The following DIAPH3 variants were observed in gnomAD, a reference collection of about 807,000 sequenced individuals.
DIAPH3 encodes protein diaphanous homolog 3.
Under a neutral mutation model 144.3 loss-of-function variants are expected in DIAPH3, and 117 were observed. The observed-to-expected ratio is 0.81, with a 90% CI of 0.70 to 0.95. DIAPH3 has a LOEUF of 0.95. Among genes scored for constraint, DIAPH3 ranks in the 40% least tolerant of loss-of-function variants. The pLI, the probability that DIAPH3 is intolerant of heterozygous loss-of-function variation, is 0.00. For synonymous variants in DIAPH3, 519 were observed against 488.9 expected (o/e 1.06, Z -0.81); for missense variants, 1,421 against 1,412.7 (o/e 1.01, Z -0.09).
At chr13:59,771,857 G>T (rs1392556059) in intron 27 of DIAPH3, among the ~76,000 whole-genome samples, 1 of 151,860 alleles carries the variant, frequency 6.6e-6, no homozygotes, top group Admixed American at 6.6e-5. Context: ...TCATCATAGT[G>T]CTTGGCATTT....
chr13:60,067,900 C>T (rs1170444611), intron 4 of DIAPH3, among the ~76,000 whole-genome samples: 1 of 151,972 alleles, frequency 6.6e-6, no homozygotes, highest in African/African-American at 2.4e-5. Context: ...CAGATAAAAT[C>T]CTATATAGGT....
chr13:59,865,508 T>C (rs2043865301), intron 21 of DIAPH3, among the ~76,000 whole-genome samples: 2 of 152,068 alleles, frequency 1.3e-5, no homozygotes. Context: ...TTCTTTTGTA[T>C]TACTGTCAAG....
intron 5 of DIAPH3, among the ~76,000 whole-genome samples, chr13:60,016,761 C>T (rs1213472073): frequency 6.6e-6 from 1 of 152,112 alleles, no homozygotes; most frequent in Non-Finnish European, 1.5e-5. Context: ...AACAAACAAA[C>T]AAACAAACTG....
chr13:59,705,836 T>A (rs987573584), intron 27 of DIAPH3, among the ~76,000 whole-genome samples: 11 of 152,298 alleles, frequency 7.2e-5, no homozygotes, highest in African/African-American at 2.6e-4. Context: ...ATCCTGTATT[T>A]CATGGTTTAA....
chr13:59,832,895 T>C (rs1047872397), intron 24 of DIAPH3: 5 of 499,832 alleles, frequency 1.0e-5, no homozygotes, highest in Non-Finnish European at 1.4e-5. Context: ...ACTTTTTCAA[T>C]CAAAATGTCT....
At chr13:59,988,866 T>C (rs1468052158) in intron 12 of DIAPH3, among the ~76,000 whole-genome samples, 1 of 151,836 alleles carries the variant, frequency 6.6e-6, no homozygotes, top group African/African-American at 2.4e-5. Flanking sequence ...TCCACCCAAT[T>C]ATCTTGCTGT....
In DIAPH3 at chr13:59,816,354, C is replaced by A. The variant is rs2040772013; in HGVS notation, c.3028-5431G>T. On this transcript the variant is annotated intron_variant, in intron 24 of 27. Transcript: ENST00000400324. ...ATAGAACTATTCATGCTTTCTATTTCTTTTAAAGTAATTTCAGTAAGTTAT... is the reference window on the plus strand; with the variant it reads ...ATAGAACTATTCATGCTTTCTATTTATTTTAAAGTAATTTCAGTAAGTTAT... Among the ~76,000 whole-genome samples, 9 of 151,908 alleles carry A rather than the reference C, an allele frequency of 5.9e-5. No homozygotes were observed. In the South Asian group the frequency reaches 1.7e-3, roughly 28 times the overall value.
At chr13:60,017,625 G>C (rs1219057828) in intron 5 of DIAPH3, among the ~76,000 whole-genome samples, 1 of 152,016 alleles carries the variant, frequency 6.6e-6, no homozygotes, top group African/African-American at 2.4e-5. Flanking sequence ...AATACAACTT[G>C]ACACCTATCA....
chr13:60,107,228 G>T lies in DIAPH3; in HGVS notation c.390+4782C>A, dbSNP rs117146984. Among the ~76,000 whole-genome samples the T allele has an allele frequency of 1.8e-4, 27 of 151,700 alleles. No individual in the cohort carries two copies. The East Asian group carries it at 5.2e-3, about 29-fold the overall frequency. ...CCATCAAATATCTCAGAAGAAAAAAGGTTTTGTTCCGTATAACTGTATTCT... is the reference window on the plus strand; with the variant it reads ...CCATCAAATATCTCAGAAGAAAAAATGTTTTGTTCCGTATAACTGTATTCT... On this transcript the variant is annotated intron_variant, in intron 3 of 27. Transcript: ENST00000400324.
chr13:59,912,562 T>C (rs1464537666), intron 19 of DIAPH3, among the ~76,000 whole-genome samples: 1 of 152,172 alleles, frequency 6.6e-6, no homozygotes, highest in Non-Finnish European at 1.5e-5. Context: ...CTGATACAAC[T>C]TAAATGATTA....
chr13:59,984,365 A>G (rs1165086663), intron 12 of DIAPH3, among the ~76,000 whole-genome samples: 1 of 151,766 alleles, frequency 6.6e-6, no homozygotes, highest in Non-Finnish European at 1.5e-5. Context: ...TGGTACTGTA[A>G]GTTATATATA....
At chr13:59,867,046 CATAT>C in intron 21 of DIAPH3, among the ~76,000 whole-genome samples, 1 of 148,456 alleles carries the variant, frequency 6.7e-6, no homozygotes, top group Admixed American at 6.8e-5. Context: ...GCTTTATTTA[CATAT>C]ATATTTATTT....
At chr13:60,054,905 C>T (rs1436414415) in intron 4 of DIAPH3, among the ~76,000 whole-genome samples, 3 of 151,850 alleles carry the variant, frequency 2.0e-5, no homozygotes, top group African/African-American at 7.2e-5. Flanking sequence ...CCAATAAAAT[C>T]TGTTATTCAC....
At chr13:59,916,613 C>T (rs946413790) in intron 18 of DIAPH3, among the ~76,000 whole-genome samples, 3 of 152,070 alleles carry the variant, frequency 2.0e-5, no homozygotes, top group Admixed American at 2.0e-4. Flanking sequence ...AAGAAAACCA[C>T]AGTATGTGCA....
chr13:59,954,771 T>C (rs1295163777), intron 17 of DIAPH3, among the ~76,000 whole-genome samples: 1 of 152,082 alleles, frequency 6.6e-6, no homozygotes, highest in Non-Finnish European at 1.5e-5. Context: ...ACATCCTATA[T>C]GACTGAAGCA....
intron 20 of DIAPH3, among the ~76,000 whole-genome samples, 187 bp from the exon 21 acceptor site, chr13:59,879,655 C>T (rs2044876199): frequency 6.6e-6 from 1 of 152,024 alleles, no homozygotes; most frequent in African/African-American, 2.4e-5. Context: ...AGTCATCCCT[C>T]AAAACCCAAA....
Position 59,774,800 on chromosome 13 carries a change from C to T in DIAPH3, c.3187G>A (p.Asp1063Asn), listed in dbSNP as rs1295829065. The change falls in exon 26 of 28, where the codon GAT becomes AAT. Residue 1063 changes from aspartate (D) to asparagine (N), a missense_variant. Asp to Asn is a conservative substitution (Grantham distance 23, BLOSUM62 1). Coordinates refer to ENST00000400324, the MANE Select transcript of DIAPH3 (RefSeq NM_001042517.2). ...GACTGCAAGGCCTCCAGCAGATTAT[C>T]CATCACTCCTGTCTCATCACCCTCT... ...KTEGDETGVM[D>N]NLLEALQSGA... is the part of the protein sequence containing the mutation. The T allele has an allele frequency of 1.2e-6, 2 of 1,614,152 alleles. No individual in the cohort carries two copies. Among genetic ancestry groups the T allele is most frequent in the Admixed American group, 1.7e-5 (1 of 60,022 alleles).
intron 14 of DIAPH3, 90 bp from the exon 15 acceptor site, chr13:59,974,546 C>T (rs1160560873): frequency 8.4e-6 from 9 of 1,071,468 alleles, no homozygotes; most frequent in African/African-American, 1.6e-5. Context: ...AATGATCTGC[C>T]GGTAGAACAC....
intron 27 of DIAPH3, among the ~76,000 whole-genome samples, chr13:59,769,670 T>C (rs1287026561): frequency 6.6e-6 from 1 of 151,654 alleles, no homozygotes; most frequent in East Asian, 2.0e-4. Flanking sequence ...TACACTTTAG[T>C]TCCATACTAA....
Sources: gnomAD v4.1 joint callset for allele counts (sites outside exome capture counted in the v4.1 genomes callset) on GRCh38, gnomAD v4.1.1 for gene constraint, MANE v1.5 for transcripts, NCBI Gene and HGNC (gene_info 2026-07-23, HGNC 2026-07-21) for gene names.